The following RALB variants were observed in gnomAD, a reference collection of about 807,000 sequenced individuals.
The protein encoded by RALB is ras-related protein Ral-B.
In RALB, 16 loss-of-function variants were observed where a neutral mutation model predicts 21.3. The observed-to-expected ratio is 0.75, with a 90% CI of 0.51 to 1.14. The LOEUF is 1.14. RALB is among the 50% of genes most tolerant of loss of function. The pLI is 0.00. For missense variants in RALB, 161 were observed against 256.2 expected (o/e 0.63, Z 2.54); for synonymous variants, 93 against 96.1 (o/e 0.97, Z 0.19).
At chr2:120,253,717 TG>T in intron 1 of RALB, 1 of 985,418 alleles carries the variant, frequency 1.0e-6, no homozygotes, top group Non-Finnish European at 1.2e-6. Context: ...GTTGGAACTT[TG>T]GTGTTCTTAT....
intron 1 of RALB, among the ~76,000 whole-genome samples, chr2:120,259,661 C>T (rs1365672534): frequency 2.0e-5 from 3 of 152,272 alleles, no homozygotes; most frequent in Non-Finnish European, 4.4e-5. Flanking sequence ...CACGTCCCCA[C>T]CAGACTCAGG....
chr2:120,285,625 T>G (rs755704749), intron 2 of RALB, among the ~76,000 whole-genome samples: 5 of 152,218 alleles, frequency 3.3e-5, no homozygotes, highest in Non-Finnish European at 7.3e-5. Flanking sequence ...AATTTTATAC[T>G]GACAATAATA....
rs1690370021 is a variant in RALB, at chr2:120,294,165, G to T, written c.*905G>T. The T allele has an allele frequency of 2.5e-6, 1 of 398,458 alleles. No homozygotes were observed. The highest frequency in any genetic ancestry group is 4.4e-6 in the Non-Finnish European group (1 of 226,072). The allele number at this position is 398,458 out of a possible 1,614,324, so 24.7% of individuals were successfully genotyped here. Reference sequence around the variant, plus strand: ...GCATCACTGCACACGGAGGTCTAGTGAGCCTCTTGCTAAGTGTCACACACA... The same window carrying T: ...GCATCACTGCACACGGAGGTCTAGTTAGCCTCTTGCTAAGTGTCACACACA... On this transcript the variant is annotated 3_prime_UTR_variant, in exon 5 of 5. Coordinates refer to ENST00000272519, the MANE Select transcript of RALB (RefSeq NM_002881.3).
At chr2:120,267,720 T>C (rs1689537962) in intron 1 of RALB, among the ~76,000 whole-genome samples, 1 of 152,224 alleles carries the variant, frequency 6.6e-6, no homozygotes. Flanking sequence ...TCTTGATTTT[T>C]TTAAGCGATG....
chr2:120,287,477 C>T (rs991210071), intron 3 of RALB, among the ~76,000 whole-genome samples: 16 of 152,334 alleles, frequency 1.1e-4, no homozygotes, highest in Middle Eastern at 6.8e-3. Flanking sequence ...TTTGCATCTG[C>T]GTAGTCCTGT....
intron 1 of RALB, among the ~76,000 whole-genome samples, chr2:120,261,504 C>T (rs995167916): frequency 3.9e-5 from 6 of 152,110 alleles, no homozygotes; most frequent in African/African-American, 1.2e-4. Flanking sequence ...AGGGAGGGCA[C>T]AGGGGAGAGT....
intron 2 of RALB, 126 bp downstream of exon 2, chr2:120,278,904 C>T (rs981668672): frequency 2.3e-5 from 19 of 834,514 alleles, no homozygotes; most frequent in Non-Finnish European, 3.0e-5. Flanking sequence ...GTTGAGGTGG[C>T]TTCTGAATAG....
intron 1 of RALB, among the ~76,000 whole-genome samples, chr2:120,266,977 A>T (rs1456146033): frequency 6.6e-6 from 1 of 152,012 alleles, no homozygotes; most frequent in East Asian, 1.9e-4. Flanking sequence ...GACTGGGAGG[A>T]TGGGCTGGCC....
chr2:120,244,260 A>G (rs1184503964), intron 1 of RALB, among the ~76,000 whole-genome samples: 4 of 152,208 alleles, frequency 2.6e-5, no homozygotes, highest in African/African-American at 4.8e-5. Context: ...GGGGACACAG[A>G]GCCAAACCAT....
intron 1 of RALB, among the ~76,000 whole-genome samples, chr2:120,277,365 ATG>A (rs5833827): frequency 0.69 from 104,729 of 151,014 alleles, 36,834 homozygotes; most frequent in Middle Eastern, 0.79. Context: ...GTGTGAGAGC[ATG>A]TGTGTGGTGG....
intron 1 of RALB, among the ~76,000 whole-genome samples, chr2:120,263,183 T>A (rs1689413455): frequency 6.6e-6 from 1 of 152,276 alleles, no homozygotes; most frequent in African/African-American, 2.4e-5. Context: ...TTTATTTATT[T>A]ATTTTGAGGT....
At chr2:120,254,963 C>T (rs563860627) in intron 1 of RALB, among the ~76,000 whole-genome samples, 1 of 152,362 alleles carries the variant, frequency 6.6e-6, no homozygotes, top group Admixed American at 6.5e-5. Context: ...AGGTGTGAGC[C>T]ACCCCGTCTG....
chr2:120,285,013 TGTTA>T (rs1232291040), intron 2 of RALB, among the ~76,000 whole-genome samples: 2 of 152,194 alleles, frequency 1.3e-5, no homozygotes, highest in African/African-American at 4.8e-5. Flanking sequence ...TGGTACACTG[TGTTA>T]GTTCATTCTC....
intron 1 of RALB, among the ~76,000 whole-genome samples, chr2:120,277,009 G>A (rs1198368868): frequency 6.6e-6 from 1 of 152,182 alleles, no homozygotes; most frequent in Non-Finnish European, 1.5e-5. Context: ...TGGCACTTGG[G>A]TTACGGTAGA....
intron 1 of RALB, among the ~76,000 whole-genome samples, chr2:120,246,658 G>A (rs1688975472): frequency 1.3e-5 from 2 of 152,254 alleles, no homozygotes; most frequent in African/African-American, 2.4e-5. Flanking sequence ...CAAGGACCTG[G>A]ATCCGCCTGG....
In RALB at chr2:120,278,736, C is replaced by T. The variant is rs1435620463; in HGVS notation, c.72C>T (p.Gly24=). 1.0e-5 allele frequency: 16 copies of T among 1,592,452 alleles called. No homozygotes were observed. The highest frequency in any genetic ancestry group is 6.9e-5 in the East Asian group (3 of 43,288). Reference sequence around the variant, plus strand: ...AGGTGATCATGGTTGGCAGCGGAGGCGTTGGCAAGTCAGCCCTGACGCTTC... The same window carrying T: ...AGGTGATCATGGTTGGCAGCGGAGGTGTTGGCAAGTCAGCCCTGACGCTTC... The part of the protein sequence containing the change: ...LHKVIMVGSG[G]VGKSALTLQF... The change falls in exon 2 of 5, where the codon GGC becomes GGT. Residue 24 remains glycine, a synonymous_variant. Transcript: ENST00000272519.
intron 1 of RALB, chr2:120,253,390 C>G (rs1389839398): frequency 1.0e-6 from 1 of 985,442 alleles, no homozygotes; most frequent in Non-Finnish European, 1.2e-6. Context: ...TAACTGCCCT[C>G]GGAACTTGCA....
intron 1 of RALB, among the ~76,000 whole-genome samples, chr2:120,254,014 C>T (rs1223644956): frequency 6.6e-6 from 1 of 152,136 alleles, no homozygotes; most frequent in Non-Finnish European, 1.5e-5. Flanking sequence ...AGCTCAGAAC[C>T]GGTCAAGGCT....
At chr2:120,265,877 G>A (rs1195032762) in intron 1 of RALB, among the ~76,000 whole-genome samples, 1 of 152,190 alleles carries the variant, frequency 6.6e-6, no homozygotes, top group Non-Finnish European at 1.5e-5. Flanking sequence ...TTCCAAATTT[G>A]CCTTCAGCTG....
Sources: allele counts gnomAD v4.1 joint callset (sites outside exome capture counted in the v4.1 genomes callset), GRCh38; gene constraint gnomAD v4.1.1; transcripts MANE v1.5; gene names NCBI Gene and HGNC (gene_info 2026-07-23, HGNC 2026-07-21).